The following MYO9B variants were observed in gnomAD, a reference collection of about 807,000 sequenced individuals.
MYO9B encodes myosin IXB, also known as unconventional myosin-IXb.
MYO9B carries 71 observed loss-of-function variants against 229.5 expected under a neutral mutation model. That is an observed-to-expected ratio of 0.31 (90% CI 0.26 to 0.38). MYO9B has a LOEUF of 0.38. Ranked by LOEUF, MYO9B falls within the 10% of genes least tolerant of loss-of-function variation. MYO9B has a pLI of 1.00. For missense variants in MYO9B, 2,255 were observed against 2,920.5 expected (o/e 0.77, Z 5.25); for synonymous variants, 1,185 against 1,235.8 (o/e 0.96, Z 0.86).
At chr19:17,077,860 C>G (rs1418799883) in intron 1 of MYO9B, among the ~76,000 whole-genome samples, 1 of 152,140 alleles carries the variant, frequency 6.6e-6, no homozygotes. Flanking sequence ...CTTCATCGTC[C>G]AAATAGAAAA....
chr19:17,147,802 C>T (rs1342755876), intron 3 of MYO9B, among the ~76,000 whole-genome samples: 2 of 109,990 alleles, frequency 1.8e-5, no homozygotes, highest in Non-Finnish European at 3.6e-5. Context: ...TCTCCTGCCT[C>T]AGCTCGAGTA....
intron 2 of MYO9B, among the ~76,000 whole-genome samples, chr19:17,113,958 C>A (rs1325550157): frequency 6.6e-6 from 1 of 152,128 alleles, no homozygotes; most frequent in Non-Finnish European, 1.5e-5. Context: ...GTTCCCAACC[C>A]CTGCCCTGTT....
At chr19:17,163,176 G>A (rs527641042) in intron 10 of MYO9B, 54 bp downstream of exon 10, 700 of 1,516,272 alleles carry the variant, frequency 4.6e-4, no homozygotes, top group Non-Finnish European at 5.7e-4. Flanking sequence ...CAGACATCAC[G>A]TGAAATTTAC....
chr19:17,155,744 C>T (rs772903447), intron 6 of MYO9B, among the ~76,000 whole-genome samples: 9 of 151,674 alleles, frequency 5.9e-5, no homozygotes, highest in Non-Finnish European at 1.2e-4. Context: ...CTGGCCCGGG[C>T]GCAGTGGCTC....
chr19:17,131,976 C>T (rs915712510), intron 2 of MYO9B, among the ~76,000 whole-genome samples: 6 of 151,818 alleles, frequency 4.0e-5, no homozygotes, highest in African/African-American at 1.4e-4. Context: ...ACCTCCTGGG[C>T]TCAAGTGATC....
At chr19:17,197,648 G>A in intron 22 of MYO9B, 144 bp from the exon 23 acceptor site, 4 of 871,804 alleles carry the variant, frequency 4.6e-6, no homozygotes, top group Non-Finnish European at 7.2e-6. Flanking sequence ...CCCAAGTGGT[G>A]ACAACCAAAA....
intron 4 of MYO9B, among the ~76,000 whole-genome samples, chr19:17,153,746 G>T (rs1353887138): frequency 6.6e-6 from 1 of 151,682 alleles, no homozygotes; most frequent in Non-Finnish European, 1.5e-5. Flanking sequence ...ACAAATAAGT[G>T]AGATGTACAC....
At chr19:17,105,990 C>A (rs1296115812) in intron 2 of MYO9B, among the ~76,000 whole-genome samples, 1 of 149,144 alleles carries the variant, frequency 6.7e-6, no homozygotes, top group Non-Finnish European at 1.5e-5. Flanking sequence ...CCTCTCCCCT[C>A]CCCTCTCCTC....
Position 17,080,461 on chromosome 19 carries a change from C to T in MYO9B, c.-59+4587C>T, listed in dbSNP as rs140538952. Among the ~76,000 whole-genome samples the T allele has an allele frequency of 5.5e-3, 842 of 152,278 alleles. 16 individuals are homozygous for T. Among genetic ancestry groups the T allele is most frequent in the African/African-American group, 0.019 (809 of 41,558 alleles). On this transcript the variant is annotated intron_variant, in intron 1 of 39. Transcript: ENST00000682292. ...GCCGTCTTCCCCTGGGTCTTCACAT[C>T]GTCCTCCCTCTGTGCCTGTCTCTGT...
At chr19:17,113,611 C>T (rs771479080) in intron 2 of MYO9B, among the ~76,000 whole-genome samples, 1 of 152,142 alleles carries the variant, frequency 6.6e-6, no homozygotes, top group Non-Finnish European at 1.5e-5. Context: ...GTGGCCCTGA[C>T]CGCAAGCTAC....
chr19:17,144,924 T>A (rs4808579), intron 2 of MYO9B, among the ~76,000 whole-genome samples: 19 of 146,132 alleles, frequency 1.3e-4, no homozygotes, highest in Non-Finnish European at 1.8e-4. Flanking sequence ...GAGCTGAGAT[T>A]GCGCCCCTGC....
chr19:17,191,297 A>G, intron 20 of MYO9B, 78 bp downstream of exon 20: 1 of 1,445,386 alleles, frequency 6.9e-7, no homozygotes, highest in Non-Finnish European at 9.1e-7. Flanking sequence ...CCAGGCCCCC[A>G]GGGCCACTCT....
Position 17,213,235 on chromosome 19 carries a change from A to C in MYO9B, c.*925A>C, listed in dbSNP as rs1484532431. On this transcript the variant is annotated 3_prime_UTR_variant, in exon 40 of 40. Coordinates refer to ENST00000682292, the MANE Select transcript of MYO9B (RefSeq NM_004145.4). ...CCCAGACACCTGGACACGTGGCCAC[A>C]AATCTGGGACAAGGGGCCCCCGCAC... is the stretch of plus-strand genomic sequence containing the variant. The C allele has an allele frequency of 6.6e-6, 1 of 152,330 alleles. No homozygotes were observed. The highest frequency in any genetic ancestry group is 2.4e-5 in the African/African-American group (1 of 41,472). 9.4% of individuals were successfully genotyped at this position (152,330 alleles called of 1,614,324 possible).
At chr19:17,092,722 C>CAA (rs3067821) in intron 1 of MYO9B, among the ~76,000 whole-genome samples, 2 of 97,618 alleles carry the variant, frequency 2.0e-5, no homozygotes, top group Admixed American at 1.1e-4. Context: ...AAGGCTCCGT[C>CAA]AAAAAAAAAA....
chr19:17,181,287 G>A (rs1006782773), intron 15 of MYO9B, among the ~76,000 whole-genome samples: 3 of 152,154 alleles, frequency 2.0e-5, no homozygotes, highest in Admixed American at 1.3e-4. Flanking sequence ...CTCCTTCTTC[G>A]AGGCATCTAA....
chr19:17,191,478 C>G (rs1049720521), intron 20 of MYO9B, among the ~76,000 whole-genome samples: 1 of 152,182 alleles, frequency 6.6e-6, no homozygotes, highest in Non-Finnish European at 1.5e-5. Context: ...AGGAAAGGGA[C>G]GATCGTGCTA....
chr19:17,207,283 G>T, intron 35 of MYO9B, 39 bp downstream of exon 35: 2 of 1,574,288 alleles, frequency 1.3e-6, no homozygotes, highest in Non-Finnish European at 8.6e-7. Flanking sequence ...GCTCAGGGCA[G>T]CCCCACCCAG....
intron 2 of MYO9B, among the ~76,000 whole-genome samples, chr19:17,131,887 G>A (rs1460525825): frequency 6.6e-6 from 1 of 151,822 alleles, no homozygotes; most frequent in African/African-American, 2.4e-5. Flanking sequence ...TTTTTTTGGG[G>A]GGTGGGGCGG....
rs576273890 is a variant in MYO9B, at chr19:17,134,348, C to T, written c.841-11049C>T. Among the ~76,000 whole-genome samples the T allele has an allele frequency of 3.5e-5, 5 of 141,866 alleles. No homozygotes were observed. In the South Asian group the frequency reaches 1.1e-3, roughly 32 times the overall value. The allele number at this position is 141,866 out of a possible 152,430, so 93.1% of individuals were successfully genotyped here. Reference sequence around the variant, plus strand: ...GCTTCATCCATGTTGTTGCAAATGACAGGATCTCTTTGTTTTTTTTTTCGT... The same window carrying T: ...GCTTCATCCATGTTGTTGCAAATGATAGGATCTCTTTGTTTTTTTTTTCGT... On this transcript the variant is annotated intron_variant, in intron 2 of 39. Transcript: ENST00000682292.
Sources: allele counts gnomAD v4.1 joint callset (sites outside exome capture counted in the v4.1 genomes callset), GRCh38; gene constraint gnomAD v4.1.1; transcripts MANE v1.5; gene names NCBI Gene and HGNC (gene_info 2026-07-23, HGNC 2026-07-21).